The following GPR89A variants were observed in gnomAD, a reference collection of about 807,000 sequenced individuals.
GPR89A encodes golgi pH regulator A.
A neutral mutation model predicts 52.0 loss-of-function variants in GPR89A; 16 were observed. The ratio of observed to expected loss-of-function variants is 0.31; its 90% CI spans 0.21 to 0.47. The LOEUF (loss-of-function observed/expected upper bound fraction) is 0.47. Among genes scored for constraint, GPR89A ranks in the 20% least tolerant of loss-of-function variants. GPR89A has a pLI of 1.00. For synonymous variants in GPR89A, 55 were observed against 150.9 expected (o/e 0.36, Z 4.66); for missense variants, 135 against 449.4 (o/e 0.30, Z 6.33).
At chr1:145,667,343 TCAG>T (rs1442695184) in intron 12 of GPR89A, among the ~76,000 whole-genome samples, 1 of 152,228 alleles carries the variant, frequency 6.6e-6, no homozygotes, top group Non-Finnish European at 1.5e-5. Flanking sequence ...CCAGTGATGA[TCAG>T]CATTTTTTCA....
chr1:145,654,575 A>G (rs1389250254), intron 10 of GPR89A, among the ~76,000 whole-genome samples: 1 of 141,130 alleles, frequency 7.1e-6, no homozygotes, highest in Non-Finnish European at 1.6e-5. Context: ...AAAAAAACAG[A>G]ATGTTGAATA....
chr1:145,639,970 C>T (rs587633061), intron 7 of GPR89A, among the ~76,000 whole-genome samples: 1 of 152,136 alleles, frequency 6.6e-6, no homozygotes, highest in Non-Finnish European at 1.5e-5. Context: ...GTAATCCCAG[C>T]ACTTTGGGAA....
chr1:145,624,425 A>G (rs1448645294), intron 5 of GPR89A, among the ~76,000 whole-genome samples: 735 of 139,136 alleles, frequency 5.3e-3, no homozygotes, highest in African/African-American at 0.02. Context: ...GAATCTATCT[A>G]AAAAGATTAG....
chr1:145,634,400 TAA>T (rs1315727960), intron 7 of GPR89A, among the ~76,000 whole-genome samples: 1 of 151,576 alleles, frequency 6.6e-6, no homozygotes, highest in African/African-American at 2.4e-5. Context: ...TGAATTTTTT[TAA>T]GTCTATTTTC....
At chr1:145,667,533 C>T (rs1324017295) in intron 12 of GPR89A, among the ~76,000 whole-genome samples, 2 of 152,122 alleles carry the variant, frequency 1.3e-5, no homozygotes, top group Admixed American at 1.3e-4. Context: ...CCTGTTCACT[C>T]TGATGGTAGT....
chr1:145,645,921 A>C, intron 8 of GPR89A: 1 of 575,562 alleles, frequency 1.7e-6, no homozygotes, highest in Non-Finnish European at 3.1e-6. Flanking sequence ...TCAAAAAACA[A>C]ATGAAACCAT....
intron 12 of GPR89A, among the ~76,000 whole-genome samples, chr1:145,668,170 C>G (rs1652708496): frequency 1.3e-5 from 2 of 152,128 alleles, no homozygotes; most frequent in African/African-American, 2.4e-5. Context: ...GCAGTATGGC[C>G]ATTTTCATGA....
At chr1:145,667,886 G>A (rs1430741999) in intron 12 of GPR89A, among the ~76,000 whole-genome samples, 2 of 152,086 alleles carry the variant, frequency 1.3e-5, no homozygotes, top group African/African-American at 4.8e-5. Context: ...GGTTGTAGAT[G>A]TGTGGTATTA....
intron 8 of GPR89A, chr1:145,645,697 C>T: frequency 6.6e-6 from 3 of 453,626 alleles, no homozygotes; most frequent in Non-Finnish European, 1.3e-5. Context: ...TAAGACAATC[C>T]CATGAAGATA....
intron 2 of GPR89A, among the ~76,000 whole-genome samples, chr1:145,617,031 A>C (rs1299874711): frequency 1.1e-4 from 16 of 152,182 alleles, no homozygotes; most frequent in African/African-American, 3.9e-4. Flanking sequence ...ATAGGGTTCA[A>C]GAGCAGACAA....
intron 7 of GPR89A, among the ~76,000 whole-genome samples, chr1:145,637,373 A>G (rs1180943463): frequency 6.7e-6 from 1 of 149,290 alleles, no homozygotes; most frequent in Non-Finnish European, 1.5e-5. Flanking sequence ...GCTCAAGCTC[A>G]GCAGAGAATA....
intron 7 of GPR89A, among the ~76,000 whole-genome samples, chr1:145,635,567 T>A (rs1553690596): frequency 6.6e-6 from 1 of 152,260 alleles, no homozygotes; most frequent in Non-Finnish European, 1.5e-5. Context: ...ATGCAGATTT[T>A]AAAAAGTAGA....
intron 12 of GPR89A, among the ~76,000 whole-genome samples, chr1:145,667,853 G>C (rs1358482587): frequency 2.6e-5 from 4 of 152,072 alleles, no homozygotes; most frequent in Admixed American, 2.0e-4. Context: ...TCTTGTTTTT[G>C]TCAGGTTTGT....
At chr1:145,656,801 T>C (rs1336007570) in intron 10 of GPR89A, among the ~76,000 whole-genome samples, 1 of 150,766 alleles carries the variant, frequency 6.6e-6, no homozygotes, top group Non-Finnish European at 1.5e-5. Flanking sequence ...TAGCATCCAG[T>C]CTCACCTTTA....
intron 10 of GPR89A, among the ~76,000 whole-genome samples, chr1:145,650,563 T>TG (rs1553693370): frequency 6.6e-6 from 1 of 151,144 alleles, no homozygotes; most frequent in Non-Finnish European, 1.5e-5. Context: ...ATCACCACAC[T>TG]GTCTTCCACA....
At chr1:145,656,689 G>C (rs1466539197) in intron 10 of GPR89A, among the ~76,000 whole-genome samples, 5 of 151,938 alleles carry the variant, frequency 3.3e-5, no homozygotes, top group Admixed American at 3.3e-4. Context: ...TTTTTCTCCT[G>C]CTCCTTCTCC....
chr1:145,649,432 G>A (rs587736208), intron 10 of GPR89A, among the ~76,000 whole-genome samples: 5 of 151,034 alleles, frequency 3.3e-5, no homozygotes, highest in African/African-American at 9.7e-5. Context: ...TATTTTACTC[G>A]GCATGATTAT....
intron 1 of GPR89A, chr1:145,612,079 C>A (rs1256567942): frequency 6.6e-6 from 1 of 151,994 alleles, no homozygotes; most frequent in Non-Finnish European, 1.5e-5. Flanking sequence ...TAACCCTCAG[C>A]TCACTGAATT....
chr1:145,615,424 G>A, intron 1 of GPR89A, among the ~76,000 whole-genome samples: 1 of 151,644 alleles, frequency 6.6e-6, no homozygotes, highest in Admixed American at 6.6e-5. Context: ...GCTCACTGCA[G>A]CCTCAACTTC....
Sources: allele counts gnomAD v4.1 joint callset (sites outside exome capture counted in the v4.1 genomes callset), GRCh38; gene constraint gnomAD v4.1.1; transcripts MANE v1.5; gene names NCBI Gene and HGNC (gene_info 2026-07-23, HGNC 2026-07-21).